Variants in MGAM observed in about 807,000 individuals in gnomAD.
The protein encoded by MGAM is maltase-glucoamylase.
MGAM carries 253 observed loss-of-function variants against 358.8 expected under a neutral mutation model. That is an observed-to-expected ratio of 0.71 (90% confidence interval 0.64 to 0.78). The LOEUF (loss-of-function observed/expected upper bound fraction) is 0.78. Ranked by LOEUF, MGAM falls within the 30% of genes least tolerant of loss-of-function variation. The pLI, the probability that MGAM is intolerant of heterozygous loss-of-function variation, is 0.00. For synonymous variants in MGAM, 1,105 were observed against 1,227.1 expected (o/e 0.90, Z 2.08); for missense variants, 3,080 against 3,432.6 (o/e 0.90, Z 2.57).
chr7:141,996,169 G>A (rs752280535), intron 1 of MGAM, among the ~76,000 whole-genome samples: 1 of 151,804 alleles, frequency 6.6e-6, no homozygotes, highest in East Asian at 1.9e-4. Context: ...GCATGGTGGC[G>A]GGCGCCTGTA....
At chr7:142,000,130 T>C (rs956052238) in intron 1 of MGAM, among the ~76,000 whole-genome samples, 1 of 152,182 alleles carries the variant, frequency 6.6e-6, no homozygotes, top group Admixed American at 6.5e-5. Flanking sequence ...AATTTTGTAG[T>C]TTAAAACAAC....
rs782524066 is a variant in MGAM at position 142,027,643 on chromosome 7, G to A, written c.1129G>A (p.Ala377Thr). 1.2e-6 allele frequency: 2 copies of A among 1,613,744 alleles called. No homozygotes were observed. The highest frequency in any genetic ancestry group is 1.7e-6 in the Non-Finnish European group (2 of 1,179,754). The change falls in exon 10 of 71, where the codon GCG (alanine) becomes ACG (threonine). Residue 377 changes from alanine (A) to threonine (T), a missense_variant. Physicochemically the swap from Ala to Thr is moderately conservative, Grantham distance 58. This residue lies in a region of MGAM where 1,816 missense variants were observed against 1,840.5 expected (regional missense o/e 0.99). Transcript: ENST00000475668. The stretch of plus-strand genomic sequence containing the variant: ...GCGGCCAGCCCTTCCCTCCTACTGG[G>A]CGCTTGGATTTCACCTCAGTCGTTA... ...IGRPALPSYW[A>T]LGFHLSRYEY...
Position 142,076,648 on chromosome 7 carries a change from T to C in MGAM, c.5326-11T>C, listed in dbSNP as rs1482290751. 1 of 1,522,820 alleles carries C rather than the reference T, an allele frequency of 6.6e-7. No individual in the cohort carries two copies. The highest frequency in any genetic ancestry group is 2.3e-5 in the East Asian group (1 of 43,438). The allele number at this position is 1,522,820 out of a possible 1,614,324, so 94.3% of individuals were successfully genotyped here. The stretch of plus-strand genomic sequence containing the variant: ...TACCTTTATGCATAATTGGAGTTAA[T>C]TGTTTTGCAGAACCACTTGGAGGTG... On this transcript the variant is annotated splice_polypyrimidine_tract_variant and intron_variant, in intron 46 of 70. Coordinates refer to ENST00000475668, the MANE Select transcript of MGAM (RefSeq NM_001365693.1).
chr7:142,022,443 A>G lies in MGAM; in HGVS notation c.882+4A>G, dbSNP rs1554459293. ...CAGAGACACAACTCCCAATGGAGTA[A>G]GCTTTCAAATGGGCCCCTTTCCACT... On this transcript the variant is annotated splice_donor_region_variant and intron_variant, in intron 7 of 70. Transcript: ENST00000475668. 6.2e-7 allele frequency: 1 copy of G among 1,611,956 alleles called. No homozygotes were observed. The highest frequency in any genetic ancestry group is 1.1e-5 in the South Asian group (1 of 90,860).
At position 142,043,627 on chromosome 7, in the gene MGAM, A is replaced by G. The variant is rs1234203005; in HGVS notation, c.2498+2781A>G. Among the ~76,000 whole-genome samples, 2 of 118,798 alleles carry G rather than the reference A, an allele frequency of 1.7e-5. 1 individual carries two copies. Among genetic ancestry groups the G allele is most frequent in the Non-Finnish European group, 3.1e-5 (2 of 64,240 alleles). The allele number at this position is 118,798 out of a possible 152,430, so 77.9% of individuals were successfully genotyped here. On this transcript the variant is annotated intron_variant, in intron 21 of 70. Transcript: ENST00000475668. ...ATAATATCTAATATATAATACATAT[A>G]TTATATATACATATACTATCTAATA... is the stretch of plus-strand genomic sequence containing the variant.
chr7:142,096,563 C>G, intron 65 of MGAM, 148 bp downstream of exon 65: 1 of 958,990 alleles, frequency 1.0e-6, no homozygotes, highest in Non-Finnish European at 1.6e-6. Context: ...AGCTGAAGTC[C>G]ATCACTTAGG....
At chr7:142,085,078 G>C (rs1002219777) in intron 54 of MGAM, among the ~76,000 whole-genome samples, 1 of 146,560 alleles carries the variant, frequency 6.8e-6, no homozygotes, top group African/African-American at 2.4e-5. Flanking sequence ...TGGTGCTGTA[G>C]CACAGTGTCC....
rs1815129777 is a variant in MGAM at position 142,089,129 on chromosome 7, A to AAG, written c.6810+2412_6810+2413insAG. On this transcript the variant is annotated intron_variant, in intron 57 of 70. Coordinates refer to ENST00000475668, the MANE Select transcript of MGAM (RefSeq NM_001365693.1). ...AGTGGTCCAAGCAGCCCACATGGAC[A>AAG]CAGGAACCTGCCCAGCCAGAGAAGT... Among the ~76,000 whole-genome samples, 6 of 146,012 alleles carry AAG rather than the reference A, an allele frequency of 4.1e-5. 1 individual carries two copies. Among genetic ancestry groups the AAG allele is most frequent in the Non-Finnish European group, 7.7e-5 (5 of 64,558 alleles).
chr7:142,078,052 C>T lies in MGAM; in HGVS notation c.5494-266C>T, dbSNP rs149746158. 8.3e-5 allele frequency among the ~76,000 whole-genome samples: 12 copies of T among 145,136 alleles called. 2 individuals carry two copies. Among genetic ancestry groups the T allele is most frequent in the South Asian group, 4.5e-4 (2 of 4,494 alleles). On this transcript the variant is annotated intron_variant, in intron 47 of 70. Coordinates refer to ENST00000475668, the MANE Select transcript of MGAM (RefSeq NM_001365693.1). ...GGTAGAAAAGAATAAGGGGTGATCG[C>T]GACAGGTTTTATTTGACCTAATTGT...
chr7:142,020,330 T>A (rs1230702442), intron 4 of MGAM, among the ~76,000 whole-genome samples: 2 of 152,026 alleles, frequency 1.3e-5, no homozygotes, highest in Non-Finnish European at 2.9e-5. Context: ...TATATGTATG[T>A]CAGGTCTGAG....
intron 6 of MGAM, 70 bp downstream of exon 6, chr7:142,021,807 G>T (rs571969109): frequency 1.6e-5 from 24 of 1,509,212 alleles, no homozygotes; most frequent in Non-Finnish European, 2.0e-5. Context: ...CATGAAGAAG[G>T]GGGTGTTTCA....
intron 18 of MGAM, 90 bp from the exon 19 acceptor site, chr7:142,038,441 A>T (rs1035352582): frequency 9.9e-7 from 1 of 1,005,152 alleles, no homozygotes. Flanking sequence ...GACGGCCTGC[A>T]TGCTTTCAAC....
chr7:142,004,343 A>G (rs1343679928), intron 1 of MGAM: 1 of 152,104 alleles, frequency 6.6e-6, no homozygotes, highest in East Asian at 1.9e-4. Flanking sequence ...CCTATATGCC[A>G]TGGAATACTA....
intron 1 of MGAM, among the ~76,000 whole-genome samples, chr7:141,996,610 GGA>G (rs1365438543): frequency 2.0e-5 from 3 of 152,138 alleles, no homozygotes; most frequent in African/African-American, 7.2e-5. Flanking sequence ...TTAGAATTTG[GGA>G]GTGAGATTAG....
At chr7:142,022,711 C>A (rs1554459425) in intron 7 of MGAM, among the ~76,000 whole-genome samples, 1 of 152,114 alleles carries the variant, frequency 6.6e-6, no homozygotes, top group African/African-American at 2.4e-5. Context: ...AGAAGAATGG[C>A]TGCCAGAAAG....
rs1412362518 is a variant in MGAM, at chr7:142,088,731, G to A, written c.6810+2014G>A. 3.4e-5 allele frequency among the ~76,000 whole-genome samples: 3 copies of A among 88,958 alleles called. 1 individual carries two copies. Among genetic ancestry groups the A allele is most frequent in the Non-Finnish European group, 6.7e-5 (3 of 45,000 alleles). The allele number at this position is 88,958 out of a possible 152,430, so 58.4% of individuals were successfully genotyped here. ...CCACCCTATTCATTTATGTCTGTCTGTCTGTCTGTCTGTCTGTCTATCTAT... is the reference window on the plus strand; with the variant it reads ...CCACCCTATTCATTTATGTCTGTCTATCTGTCTGTCTGTCTGTCTATCTAT... On this transcript the variant is annotated intron_variant, in intron 57 of 70. Transcript: ENST00000475668.
intron 18 of MGAM, among the ~76,000 whole-genome samples, chr7:142,037,628 G>A (rs1808109876): frequency 6.6e-6 from 1 of 152,032 alleles, no homozygotes; most frequent in African/African-American, 2.4e-5. Flanking sequence ...GAAATTTCTT[G>A]TTAAAAGGCA....
rs145705274 is a variant in MGAM, at chr7:142,092,773, T to C, written c.7033+165T>C. ...AAGCTCTGCACGCGCTTTACCCAGC[T>C]GGGCATGTGCAAGTGACTAGACTCA... On this transcript the variant is annotated intron_variant, in intron 59 of 70. Coordinates refer to ENST00000475668, the MANE Select transcript of MGAM (RefSeq NM_001365693.1). 4.5e-4 allele frequency among the ~76,000 whole-genome samples: 66 copies of C among 146,958 alleles called. 2 individuals are homozygous for C. The highest frequency in any genetic ancestry group is 1.5e-3 in the African/African-American group (64 of 41,320).
In MGAM at chr7:142,080,909, G is replaced by T. The variant is rs1814205209; in HGVS notation, c.5966G>T (p.Gly1989Val). ...GTCCTCATTAAGAAGAATCCATTTG[G>T]GATTGAAATTCGCCGGAAGAGTACA... ...YDVLIKKNPFGIEIRRKSTGT... is the reference protein window; with the variant it reads ...YDVLIKKNPFVIEIRRKSTGT... The change falls in exon 50 of 71, where the codon GGG becomes GTG. Residue 1989 changes from glycine (G) to valine (V), a missense_variant. Physicochemically the swap from Gly to Val is moderately radical, Grantham distance 109. Coordinates refer to ENST00000475668, the MANE Select transcript of MGAM (RefSeq NM_001365693.1). The T allele has an allele frequency of 6.4e-7, 1 of 1,556,066 alleles. No homozygotes were observed. Among genetic ancestry groups the T allele is most frequent in the East Asian group, 2.3e-5 (1 of 43,930 alleles).
Sources: gnomAD v4.1 joint callset for allele counts (sites outside exome capture counted in the v4.1 genomes callset) on GRCh38, gnomAD v4.1.1 for gene constraint, gnomAD v4.1.1 regional missense constraint, MANE v1.5 for transcripts, NCBI Gene and HGNC (gene_info 2026-07-23, HGNC 2026-07-21) for gene names.